Variants in SLC6A9 observed in about 807,000 individuals in gnomAD.
SLC6A9 encodes solute carrier family 6 member 9.
Under a neutral mutation model 70.9 loss-of-function variants are expected in SLC6A9, and 31 were observed. The observed-to-expected ratio is 0.44, with a 90% CI of 0.33 to 0.59. The LOEUF (loss-of-function observed/expected upper bound fraction) is 0.59, where lower values mean the gene tolerates loss of function less well. Among genes scored for constraint, SLC6A9 ranks in the 20% least tolerant of loss-of-function variants. The probability of loss-of-function intolerance (pLI) is 0.04; values close to 1 mark genes in which losing one functional copy is unlikely to be tolerated. For synonymous variants in SLC6A9, 310 were observed against 341.3 expected (o/e 0.91, Z 1.01); for missense variants, 631 against 845.2 (o/e 0.75, Z 3.14).
intron 2 of SLC6A9, among the ~76,000 whole-genome samples, chr1:44,022,709 TCTTTCTTTC>T (rs371915578): frequency 0.22 from 25,935 of 118,022 alleles, 6,473 homozygotes; most frequent in African/African-American, 0.62. Context: ...TTTCTTTCTT[TCTTTCTTTC>T]TTTCTTTTTT....
chr1:44,016,649 G>C, intron 2 of SLC6A9: 1 of 148,548 alleles, frequency 6.7e-6, no homozygotes. Flanking sequence ...ACGTTCCCCT[G>C]CCCCCTCACC....
chr1:44,010,582 T>C, intron 3 of SLC6A9, 144 bp downstream of exon 3: 1 of 748,710 alleles, frequency 1.3e-6, no homozygotes, highest in Non-Finnish European at 2.1e-6. Context: ...AAAGGGTGCC[T>C]AAGCCAGGGA....
Position 44,002,401 on chromosome 1 carries a change from C to A in SLC6A9, c.874G>T (p.Ala292Ser). 1 of 1,614,116 alleles carries A rather than the reference C, an allele frequency of 6.2e-7. No individual in the cohort carries two copies. The highest frequency in any genetic ancestry group is 1.1e-5 in the South Asian group (1 of 91,088). ...CCCAGTGAGTAGAAGATCTGGGAGG[C>A]AGCATCACCCCACACCTGCAGGGAA... is the stretch of plus-strand genomic sequence containing the variant. ...ILEAKVWGDAASQIFYSLGCA... is the reference protein window; with the variant it reads ...ILEAKVWGDASSQIFYSLGCA... The change falls in exon 8 of 14, where the codon GCC becomes TCC. Residue 292 changes from alanine (A) to serine (S), a missense_variant. Transcript: ENST00000372310. This position sits in a 1 kb window ranked among gnomAD's most constrained non-coding sequence, Gnocchi z 5.5.
chr1:44,009,931 G>C, intron 4 of SLC6A9, 34 bp downstream of exon 4: 2 of 1,610,140 alleles, frequency 1.2e-6, no homozygotes, highest in Non-Finnish European at 1.7e-6. Flanking sequence ...GTGTGTTTGT[G>C]TATGTGTGAG....
At chr1:44,026,164 G>C (rs2086979679) in intron 1 of SLC6A9, among the ~76,000 whole-genome samples, 1 of 152,256 alleles carries the variant, frequency 6.6e-6, no homozygotes, top group Non-Finnish European at 1.5e-5. Flanking sequence ...AGAGGTTCCT[G>C]CTCATGGCTT....
intron 4 of SLC6A9, 69 bp from the exon 5 acceptor site, chr1:44,008,692 T>C (rs1161245200): frequency 3.2e-6 from 4 of 1,251,160 alleles, no homozygotes; most frequent in Non-Finnish European, 3.3e-6. Flanking sequence ...TAATAATTTC[T>C]TTTTTTTCTT....
chr1:44,026,277 T>C (rs1203848967), intron 1 of SLC6A9, among the ~76,000 whole-genome samples: 1 of 152,200 alleles, frequency 6.6e-6, no homozygotes, highest in African/African-American at 2.4e-5. Context: ...AGGTGTAAAC[T>C]CTATATTTGA....
intron 1 of SLC6A9, among the ~76,000 whole-genome samples, chr1:44,027,923 C>T (rs957745323): frequency 5.3e-5 from 8 of 152,046 alleles, no homozygotes; most frequent in South Asian, 2.1e-4. Context: ...TGCAGTGAGC[C>T]GAGGTCACGC....
intron 2 of SLC6A9, 78 bp from the exon 3 acceptor site, chr1:44,010,960 G>C: frequency 1.3e-6 from 2 of 1,500,982 alleles, no homozygotes; most frequent in Non-Finnish European, 1.8e-6. Context: ...CCCCCAGCAG[G>C]GAAACCGTGG....
chr1:44,002,405 A>G lies in SLC6A9; in HGVS notation c.870T>C (p.Asp290=). Residue 290 remains aspartate (D), a synonymous_variant, in exon 8 of 14, where the codon GAT becomes GAC. Coordinates refer to ENST00000372310, the MANE Select transcript of SLC6A9 (RefSeq NM_001024845.3). This position sits in a 1 kb window ranked among gnomAD's most constrained non-coding sequence, Gnocchi z 5.5. Reference sequence around the variant, plus strand: ...GTGAGTAGAAGATCTGGGAGGCAGCATCACCCCACACCTGCAGGGAAGGAC... The same window carrying G: ...GTGAGTAGAAGATCTGGGAGGCAGCGTCACCCCACACCTGCAGGGAAGGAC... ...DKILEAKVWG[D]AASQIFYSLG... The G allele has an allele frequency of 6.2e-7, 1 of 1,614,128 alleles. No individual in the cohort carries two copies. Among genetic ancestry groups the G allele is most frequent in the Non-Finnish European group, 8.5e-7 (1 of 1,179,988 alleles).
Position 43,997,653 on chromosome 1 carries a change from G to T in SLC6A9, c.1794C>A (p.Ala598=), listed in dbSNP as rs1489026109. 8 of 1,613,918 alleles carry T rather than the reference G, an allele frequency of 5.0e-6. No homozygotes were observed. The highest frequency in any genetic ancestry group is 2.2e-5 in the East Asian group (1 of 44,892). Residue 598 remains alanine, a synonymous_variant, in exon 14 of 14, where the codon GCC becomes GCA. Transcript: ENST00000372310. This position sits in a 1 kb window ranked among gnomAD's most constrained non-coding sequence, Gnocchi z 4.4. ...HRTGRYAPTI[A]PSPEDGFEVQ... Reference sequence around the variant, plus strand: ...CCTCGAAGCCGTCCTCAGGAGAGGGGGCTATGGTGGGGGCGTAGCGCCCTG... The same window carrying T: ...CCTCGAAGCCGTCCTCAGGAGAGGGTGCTATGGTGGGGGCGTAGCGCCCTG...
intron 2 of SLC6A9, among the ~76,000 whole-genome samples, chr1:44,023,088 A>G (rs904896527): frequency 6.6e-6 from 1 of 152,132 alleles, no homozygotes; most frequent in Non-Finnish European, 1.5e-5. Context: ...GGCTCAGTAG[A>G]GACACCAGGC....
intron 2 of SLC6A9, chr1:44,017,294 G>T: frequency 6.9e-7 from 1 of 1,454,114 alleles, no homozygotes; most frequent in East Asian, 2.7e-5. Flanking sequence ...AGCCCAGCAC[G>T]GGTGCTCCGG....
At position 43,997,798 on chromosome 1, in the gene SLC6A9, C is replaced by A; in HGVS notation, c.1707+57G>T. 6.3e-7 allele frequency: 1 copy of A among 1,589,014 alleles called. No homozygotes were observed. Among genetic ancestry groups the A allele is most frequent in the East Asian group, 2.2e-5 (1 of 44,550 alleles). ...GCACGTCAGGAGGGAGCCCTTAAGC[C>A]CCTTCCAGCTGGCCCCTCCCATTTT... On this transcript the variant is annotated intron_variant, in intron 13 of 13. Coordinates refer to ENST00000372310, the MANE Select transcript of SLC6A9 (RefSeq NM_001024845.3). This position sits in a 1 kb window ranked among gnomAD's most constrained non-coding sequence, Gnocchi z 4.4.
intron 5 of SLC6A9, among the ~76,000 whole-genome samples, chr1:44,005,100 G>A (rs1241651228): frequency 6.6e-6 from 1 of 152,184 alleles, no homozygotes; most frequent in Non-Finnish European, 1.5e-5. Context: ...ACAAATGACT[G>A]TGAACGACCT....
rs745684690 is a variant in SLC6A9 at position 44,017,136 on chromosome 1, A to G, written c.31-6254T>C. 3 of 1,607,112 alleles carry G rather than the reference A, an allele frequency of 1.9e-6. No individual in the cohort carries two copies. In the East Asian group the frequency reaches 6.8e-5, roughly 36 times the overall value. On this transcript the variant is annotated intron_variant, in intron 2 of 13. Coordinates refer to ENST00000372310, the MANE Select transcript of SLC6A9 (RefSeq NM_001024845.3). Reference sequence around the variant, plus strand: ...GCCCGCGTGTCTCCGCCGCTCATTCACACCTCTGCCAGCTCCAGCGCGACA... The same window carrying G: ...GCCCGCGTGTCTCCGCCGCTCATTCGCACCTCTGCCAGCTCCAGCGCGACA...
At position 43,997,341 on chromosome 1, in the gene SLC6A9, C is replaced by A. The variant is rs200614289; in HGVS notation, c.*204G>T. ...AACCCTCCACTCCCACCCCTCCCCC[C>A]AGCTGCTATCTTGGCATCCAAAGGA... On this transcript the variant is annotated 3_prime_UTR_variant, in exon 14 of 14. Transcript: ENST00000372310. This position sits in a 1 kb window ranked among gnomAD's most constrained non-coding sequence, Gnocchi z 4.4. The A allele has an allele frequency of 1.7e-6, 1 of 581,300 alleles. No homozygotes were observed. Among genetic ancestry groups the A allele is most frequent in the East Asian group, 2.9e-5 (1 of 33,962 alleles). The allele number at this position is 581,300 out of a possible 1,614,324, so 36.0% of individuals were successfully genotyped here.
intron 2 of SLC6A9, chr1:44,011,434 C>A: frequency 5.0e-6 from 4 of 797,348 alleles, no homozygotes; most frequent in Non-Finnish European, 8.2e-6. Flanking sequence ...GTGGGCAGGG[C>A]TGGGGGGAAA....
intron 2 of SLC6A9, among the ~76,000 whole-genome samples, chr1:44,023,684 CTG>C (rs533810364): frequency 4.3e-4 from 65 of 152,192 alleles, no homozygotes; most frequent in Admixed American, 1.6e-3. Context: ...ATCCACCCCT[CTG>C]TGTCTCGTGG....
Sources: gnomAD v4.1 joint callset for allele counts (sites outside exome capture counted in the v4.1 genomes callset) on GRCh38, gnomAD v4.1.1 for gene constraint, Gnocchi (gnomAD v3.1) non-coding constraint, MANE v1.5 for transcripts, NCBI Gene and HGNC (gene_info 2026-07-23, HGNC 2026-07-21) for gene names.